ZNF606: variants seen among roughly 807,000 people sequenced by gnomAD.
The protein encoded by ZNF606 is zinc finger protein 328.
A neutral mutation model predicts 74.9 loss-of-function variants in ZNF606; 37 were observed. That is an observed-to-expected ratio of 0.49 (90% CI 0.38 to 0.65). ZNF606 has a LOEUF of 0.65. ZNF606 is among the 30% of genes least tolerant of loss of function. ZNF606 has a pLI of 0.00. For synonymous variants in ZNF606, 328 were observed against 312.4 expected, an observed-to-expected ratio of 1.05 and a Z score of -0.53; for missense variants, 852 against 952.9, an observed-to-expected ratio of 0.89 and a Z score of 1.39.
intron 4 of ZNF606, among the ~76,000 whole-genome samples, chr19:57,989,071 G>A (rs1402129660): frequency 6.6e-6 from 1 of 152,204 alleles, no homozygotes; most frequent in African/African-American, 2.4e-5. Flanking sequence ...GACCAGTGCA[G>A]CAACAGGCTA....
chr19:57,994,880 G>GT (rs1407612595), intron 4 of ZNF606, among the ~76,000 whole-genome samples: 2 of 152,076 alleles, frequency 1.3e-5, no homozygotes, highest in Non-Finnish European at 2.9e-5. Flanking sequence ...GGCAGCACTA[G>GT]TAACACTGAA....
At chr19:57,993,573 A>G (rs2073292136) in intron 4 of ZNF606, among the ~76,000 whole-genome samples, 1 of 152,228 alleles carries the variant, frequency 6.6e-6, no homozygotes, top group Non-Finnish European at 1.5e-5. Flanking sequence ...GGCTGAAAAC[A>G]GGGCAGGTGA....
Position 58,002,421 on chromosome 19 carries a change from T to G in ZNF606, c.-77A>C, listed in dbSNP as rs1363774155. On this transcript the variant is annotated 5_prime_UTR_variant, in exon 1 of 7. Transcript: ENST00000551380. ...CTGGCTCGCGGCCGGCGGTCCCCCT[T>G]GAAGGCGGCGCAGCAGGATCGGGGT... The G allele has an allele frequency of 2.2e-6, 1 of 456,020 alleles. No homozygotes were observed. Among genetic ancestry groups the G allele is most frequent in the South Asian group, 1.6e-5 (1 of 64,490 alleles). The allele number at this position is 456,020 out of a possible 1,614,324, so 28.2% of individuals were successfully genotyped here.
intron 4 of ZNF606, among the ~76,000 whole-genome samples, chr19:57,990,461 GC>G (rs1422892917): frequency 1.3e-5 from 2 of 150,290 alleles, no homozygotes; most frequent in South Asian, 4.2e-4. Flanking sequence ...GATAGCTTGG[GC>G]CCAGGAGGTG....
intron 4 of ZNF606, among the ~76,000 whole-genome samples, chr19:57,989,698 T>C (rs1232488014): frequency 6.6e-6 from 1 of 151,512 alleles, no homozygotes; most frequent in Non-Finnish European, 1.5e-5. Flanking sequence ...CCGCCCACCT[T>C]GGCCTCCCAA....
At position 58,000,684 on chromosome 19, in the gene ZNF606, C is replaced by G; in HGVS notation, c.87G>C (p.Trp29Cys). ...GMTAVDPWAS[W>C]ALCPQYPAWH... ...CAGCTGACCAGGCTCTTGACTCACC[C>G]CAGGAGGCCCATGGGTCAACAGCTG... Residue 29 changes from tryptophan (W) to cysteine (C), a missense_variant and splice_region_variant, in exon 3 of 7, where the codon TGG (tryptophan) becomes TGC (cysteine). This residue lies in a region of ZNF606 where 545 missense variants were observed against 542.5 expected (regional missense o/e 1.00). Transcript: ENST00000551380. 8 of 1,613,736 alleles carry G rather than the reference C, an allele frequency of 5.0e-6. No homozygotes were observed. Among genetic ancestry groups the G allele is most frequent in the Non-Finnish European group, 5.9e-6 (7 of 1,179,846 alleles).
intron 1 of ZNF606, 92 bp from the exon 2 acceptor site, chr19:58,001,462 A>G (rs1433801148): frequency 1.0e-6 from 1 of 965,300 alleles, no homozygotes; most frequent in Non-Finnish European, 1.6e-6. Context: ...CGAAGCAACA[A>G]AAAAACTTGT....
intron 4 of ZNF606, among the ~76,000 whole-genome samples, chr19:57,995,647 C>T (rs1050642975): frequency 1.1e-4 from 16 of 152,060 alleles, no homozygotes; most frequent in Non-Finnish European, 1.5e-5. Context: ...GACAAAACCC[C>T]ACCTCTACTA....
intron 4 of ZNF606, among the ~76,000 whole-genome samples, chr19:57,990,344 G>A (rs1314105123): frequency 2.0e-5 from 3 of 146,796 alleles, no homozygotes; most frequent in Admixed American, 7.0e-5. Flanking sequence ...CAGCCTGGGC[G>A]ACAAAGCAAG....
At chr19:57,998,219 A>G (rs1318782995) in intron 4 of ZNF606, 1 of 152,172 alleles carries the variant, frequency 6.6e-6, no homozygotes, top group Non-Finnish European at 1.5e-5. Flanking sequence ...AACTTTAATG[A>G]ATTAGGAAAA....
At position 57,988,221 on chromosome 19, in the gene ZNF606, T is replaced by G. The variant is rs1276822694; in HGVS notation, c.386A>C (p.Gln129Pro). The change falls in exon 6 of 7, where the codon CAA becomes CCA. Residue 129 changes from glutamine (Q) to proline (P), a missense_variant. Gln to Pro is a moderately conservative substitution (Grantham distance 76). Coordinates refer to ENST00000551380, the MANE Select transcript of ZNF606 (RefSeq NM_001348022.3). ...TCTGCCCTCACCTGGACAAGTGCGT[T>G]GAGGACATGCCTGCTCCACTGACCA... ...EPWSVEQACPQRTCPEWVRNL... is the reference protein window; with the variant it reads ...EPWSVEQACPPRTCPEWVRNL... The G allele has an allele frequency of 1.2e-6, 2 of 1,613,916 alleles. No individual in the cohort carries two copies. The highest frequency in any genetic ancestry group is 4.5e-5 in the East Asian group (2 of 44,874).
intron 4 of ZNF606, chr19:57,998,765 G>A (rs1377673878): frequency 1.3e-5 from 2 of 152,174 alleles, no homozygotes; most frequent in African/African-American, 2.4e-5. Context: ...GGCTGCATCT[G>A]GTGAGGAGGC....
At chr19:58,003,325 G>C (rs530540693), upstream of ZNF606, 5 of 456,566 alleles carry the variant, frequency 1.1e-5, no homozygotes, top group African/African-American at 1.0e-4. Flanking sequence ...TGGGTTACCA[G>C]CGACGCACCC....
intron 4 of ZNF606, among the ~76,000 whole-genome samples, chr19:57,992,619 G>A (rs2073277589): frequency 6.6e-6 from 1 of 152,188 alleles, no homozygotes; most frequent in Non-Finnish European, 1.5e-5. Context: ...AAAACAATAT[G>A]AACTGGATAT....
chr19:57,982,489 A>G lies in ZNF606; in HGVS notation c.401-2210T>C, dbSNP rs558456922. 1.2e-4 allele frequency among the ~76,000 whole-genome samples: 19 copies of G among 152,254 alleles called. No individual in the cohort carries two copies. In the South Asian group the frequency reaches 3.1e-3, roughly 25 times the overall value. ...ACAAATTCTGGAGATTAGGATGCAG[A>G]TATCTTTGTGGGGGAAGTCATTATC... On this transcript the variant is annotated intron_variant, in intron 6 of 6. Transcript: ENST00000551380.
intron 6 of ZNF606, among the ~76,000 whole-genome samples, chr19:57,986,502 G>A (rs1048719673): frequency 2.0e-5 from 3 of 152,120 alleles, no homozygotes; most frequent in African/African-American, 7.2e-5. Flanking sequence ...TGAAATGAAA[G>A]AACATTCAAC....
intron 6 of ZNF606, among the ~76,000 whole-genome samples, chr19:57,986,165 C>T (rs74429005): frequency 0.02 from 3,066 of 152,024 alleles, 115 homozygotes; most frequent in African/African-American, 0.07. Context: ...AACAAAACGC[C>T]ACAGTTCACT....
chr19:58,002,893 C>A (rs2073466814), upstream of ZNF606: 1 of 438,002 alleles, frequency 2.3e-6, no homozygotes, highest in African/African-American at 2.0e-5. Flanking sequence ...GCGGCGCCGC[C>A]ATGACAGGTT....
intron 5 of ZNF606, 111 bp from the exon 6 acceptor site, chr19:57,988,413 A>G: frequency 7.2e-7 from 1 of 1,384,040 alleles, no homozygotes; most frequent in East Asian, 2.3e-5. Flanking sequence ...CAGAATATGC[A>G]AGGTCCTTCC....
Sources: allele counts gnomAD v4.1 joint callset (sites outside exome capture counted in the v4.1 genomes callset), GRCh38; gene constraint gnomAD v4.1.1; regional missense constraint gnomAD v4.1.1; transcripts MANE v1.5; gene names NCBI Gene and HGNC (gene_info 2026-07-23, HGNC 2026-07-21).